Variants in ZNF713 observed in about 807,000 individuals in gnomAD.
ZNF713 encodes the protein zinc finger protein 713.
ZNF713 carries 21 observed loss-of-function variants against 28.7 expected under a neutral mutation model. The observed-to-expected ratio is 0.73, with a 90% CI of 0.52 to 1.05. The LOEUF is 1.05. Ranked by LOEUF, ZNF713 falls within the 50% of genes least tolerant of loss-of-function variation. ZNF713 has a pLI of 0.00. For missense variants in ZNF713, 458 were observed against 532.4 expected (o/e 0.86, Z 1.37); for synonymous variants, 167 against 178.0 (o/e 0.94, Z 0.49).
At position 55,939,921 on chromosome 7, in the gene ZNF713, AC is replaced by A. The variant is rs1786431097; in HGVS notation, c.1248del (p.His416GlnfsTer66). ...AFSQSAHLNQHRKIHTREKLC... is the reference protein window; with the variant it reads ...AFSQSAHLNQXRKIHTREKLC... ...AGCCAGAGTGCACACCTTAATCAAC[AC>A]AGGAAAATCCATACTCGGGAGAAAT... On this transcript the variant is annotated frameshift_variant, in exon 7 of 7. Coordinates refer to ENST00000429591, the MANE Select transcript of ZNF713 (RefSeq NM_182633.3). LOFTEE classifies it low-confidence loss of function (END_TRUNC). 6.2e-7 allele frequency: 1 copy of A among 1,613,694 alleles called. No homozygotes were observed. Among genetic ancestry groups the A allele is most frequent in the African/African-American group, 1.3e-5 (1 of 74,910 alleles).
chr7:55,892,783 A>T (rs1465500639), intron 1 of ZNF713, among the ~76,000 whole-genome samples: 1 of 150,274 alleles, frequency 6.7e-6, no homozygotes, highest in Admixed American at 6.6e-5. Flanking sequence ...GAAGCAGGAG[A>T]ATTACTTGAA....
At chr7:55,901,311 C>T (rs1164155972) in intron 1 of ZNF713, among the ~76,000 whole-genome samples, 1 of 152,128 alleles carries the variant, frequency 6.6e-6, no homozygotes, top group Non-Finnish European at 1.5e-5. Flanking sequence ...CATCAGTTCT[C>T]ATGAGACTTA....
intron 2 of ZNF713, among the ~76,000 whole-genome samples, chr7:55,909,880 G>GT (rs1785751765): frequency 6.6e-6 from 1 of 151,800 alleles, no homozygotes; most frequent in South Asian, 2.1e-4. Context: ...AACGTTAAAA[G>GT]TATATTGAAA....
At chr7:55,890,450 CA>C (rs34844925) in intron 1 of ZNF713, among the ~76,000 whole-genome samples, 78,312 of 116,404 alleles carry the variant, frequency 0.67, 24,269 homozygotes, top group African/African-American at 0.78. Context: ...ACTCTGTCTC[CA>C]AAAAAAAAAA....
chr7:55,932,094 T>G (rs1362523884), intron 6 of ZNF713, among the ~76,000 whole-genome samples: 1 of 152,240 alleles, frequency 6.6e-6, no homozygotes, highest in Non-Finnish European at 1.5e-5. Context: ...ATTAATCTTC[T>G]CAATCAGGTA....
At chr7:55,915,004 G>A (rs535616114) in intron 4 of ZNF713, among the ~76,000 whole-genome samples, 24 of 152,238 alleles carry the variant, frequency 1.6e-4, no homozygotes, top group Admixed American at 2.6e-4. Context: ...ACAGGCATGC[G>A]CCACCACGCC....
chr7:55,905,088 TGTCTA>T (rs2116197195), intron 1 of ZNF713, among the ~76,000 whole-genome samples: 1 of 152,266 alleles, frequency 6.6e-6, no homozygotes, highest in South Asian at 2.1e-4. Flanking sequence ...TAGATCCCAC[TGTCTA>T]GTGTTTTCTA....
At chr7:55,918,994 AAAAG>A (rs1785935538) in intron 4 of ZNF713, among the ~76,000 whole-genome samples, 1 of 151,934 alleles carries the variant, frequency 6.6e-6, no homozygotes, top group African/African-American at 2.4e-5. Flanking sequence ...ATTCTGCCTC[AAAAG>A]AAAGAAAAAA....
chr7:55,927,915 A>AAAAAAAAAAAAAG (rs1562746758), intron 6 of ZNF713, among the ~76,000 whole-genome samples: 68 of 148,104 alleles, frequency 4.6e-4, no homozygotes, highest in Non-Finnish European at 8.7e-4. Context: ...AAAAAAAAAA[A>AAAAAAAAAAAAAG]AAAAAGCCAC....
intron 6 of ZNF713, 177 bp downstream of exon 6, chr7:55,923,876 C>A (rs1786045525): frequency 1.2e-5 from 6 of 495,326 alleles, no homozygotes; most frequent in Non-Finnish European, 2.2e-5. Context: ...TATTTTTTCT[C>A]ATTGAACAGA....
intron 1 of ZNF713, among the ~76,000 whole-genome samples, chr7:55,902,147 C>T (rs539636250): frequency 2.4e-4 from 37 of 152,168 alleles, no homozygotes; most frequent in African/African-American, 8.0e-4. Flanking sequence ...GCTGAGGTTG[C>T]GCCACTGCAC....
chr7:55,919,624 G>A (rs113502836), intron 4 of ZNF713, among the ~76,000 whole-genome samples: 6,925 of 148,788 alleles, frequency 0.047, 484 homozygotes, highest in African/African-American at 0.16. Context: ...TCCTGCCCCA[G>A]CCTCCCGAGT....
chr7:55,932,083 A>C (rs1295269736), intron 6 of ZNF713, among the ~76,000 whole-genome samples: 1 of 152,190 alleles, frequency 6.6e-6, no homozygotes, highest in Admixed American at 6.5e-5. Flanking sequence ...ATCGGTTTAA[A>C]ATTAATCTTC....
At chr7:55,923,139 C>G in intron 4 of ZNF713, 23 bp from the exon 5 acceptor site, 1 of 1,599,038 alleles carries the variant, frequency 6.3e-7, no homozygotes, top group African/African-American at 1.3e-5. Flanking sequence ...TTTGCCTGAG[C>G]AGGGATGTGC....
intron 6 of ZNF713, among the ~76,000 whole-genome samples, chr7:55,938,278 AT>A (rs1562750673): frequency 6.6e-6 from 1 of 151,342 alleles, no homozygotes; most frequent in African/African-American, 2.4e-5. Context: ...CAGAGGAAGA[AT>A]ACCTCCACTA....
intron 1 of ZNF713, among the ~76,000 whole-genome samples, chr7:55,901,279 G>A (rs1161621226): frequency 6.6e-6 from 1 of 152,092 alleles, no homozygotes; most frequent in Non-Finnish European, 1.5e-5. Context: ...AGCTTATGCA[G>A]AGAAACTCTA....
At chr7:55,920,230 T>G (rs986375382) in intron 4 of ZNF713, among the ~76,000 whole-genome samples, 3 of 152,182 alleles carry the variant, frequency 2.0e-5, no homozygotes, top group African/African-American at 7.2e-5. Context: ...TGAAGATGCT[T>G]TGAAACTGAT....
chr7:55,933,106 A>G (rs1447350724), intron 6 of ZNF713, among the ~76,000 whole-genome samples: 5 of 146,176 alleles, frequency 3.4e-5, no homozygotes, highest in South Asian at 2.3e-4. Flanking sequence ...GCGTGGTGGC[A>G]GGCGCCTGTG....
chr7:55,904,895 T>C (rs985672469), intron 1 of ZNF713, among the ~76,000 whole-genome samples: 1 of 152,036 alleles, frequency 6.6e-6, no homozygotes, highest in Non-Finnish European at 1.5e-5. Flanking sequence ...CCCGGCTAAT[T>C]TTTGTACTTT....
Sources: allele counts gnomAD v4.1 joint callset (sites outside exome capture counted in the v4.1 genomes callset), GRCh38; gene constraint gnomAD v4.1.1; transcripts MANE v1.5; gene names NCBI Gene and HGNC (gene_info 2026-07-23, HGNC 2026-07-21).